AZIN2: variants seen among roughly 807,000 people sequenced by gnomAD.
AZIN2 encodes ODC antizyme inhibitor-2.
Under a neutral mutation model 47.8 loss-of-function variants are expected in AZIN2, and 28 were observed. The ratio of observed to expected loss-of-function variants is 0.59; its 90% CI spans 0.43 to 0.80. AZIN2 has a LOEUF of 0.80. Ranked by LOEUF, AZIN2 falls within the 30% of genes least tolerant of loss-of-function variation. The pLI is 0.00. For synonymous variants in AZIN2, 221 were observed against 239.4 expected (o/e 0.92, Z 0.71); for missense variants, 535 against 582.5 (o/e 0.92, Z 0.84).
chr1:33,164,140 G>A, the AZIN2 span: 1 of 152,300 alleles, frequency 6.6e-6, no homozygotes, highest in African/African-American at 2.4e-5. Flanking sequence ...CCAGCATCCT[G>A]TGACTGTTTA....
downstream of AZIN2, among the ~76,000 whole-genome samples, chr1:33,123,503 T>A (rs575463760): frequency 6.6e-6 from 1 of 152,260 alleles, no homozygotes; most frequent in Non-Finnish European, 1.5e-5. Flanking sequence ...TGAATCTGTT[T>A]ACTCATTTGT....
At chr1:33,152,208 A>G in the AZIN2 span, among the ~76,000 whole-genome samples, 1 of 152,170 alleles carries the variant, frequency 6.6e-6, no homozygotes, top group Non-Finnish European at 1.5e-5. Context: ...CAGAGTTGGA[A>G]CTTCAGCTGA....
chr1:33,161,244 G>A, the AZIN2 span, among the ~76,000 whole-genome samples: 2 of 152,208 alleles, frequency 1.3e-5, no homozygotes, highest in Non-Finnish European at 2.9e-5. The surrounding 1 kb of genome is among the most constrained non-coding windows in gnomAD (Gnocchi z 4.3). Context: ...GTTCTGAGCC[G>A]GGGCCTGAGG....
Position 33,081,155 on chromosome 1 carries a change from G to GTGGGGGTC in AZIN2, c.-542_-535dup, listed in dbSNP as rs917125561. ...GCCAGCGGCGGGCGGAAGGCGGGGC[G>GTGGGGGTC]TGGGGGTCTGTGGCTGCTGGGCTGG... is the stretch of plus-strand genomic sequence containing the variant. On this transcript the variant is annotated 5_prime_UTR_variant, in exon 1 of 12. Coordinates refer to ENST00000294517, the MANE Select transcript of AZIN2 (RefSeq NM_052998.4). The surrounding 1 kb of genome is among the most constrained non-coding windows in gnomAD (Gnocchi z 4.2). 2.6e-5 allele frequency: 4 copies of GTGGGGGTC among 151,044 alleles called. No homozygotes were observed. The highest frequency in any genetic ancestry group is 1.0e-4 in the African/African-American group (4 of 39,680). 9.4% of individuals were successfully genotyped at this position (151,044 alleles called of 1,614,324 possible).
At chr1:33,154,762 C>T in the AZIN2 span, among the ~76,000 whole-genome samples, 2 of 147,424 alleles carry the variant, frequency 1.4e-5, no homozygotes, top group African/African-American at 5.1e-5. Context: ...CACGCCACTG[C>T]ACTCCAGCCT....
downstream of AZIN2, among the ~76,000 whole-genome samples, chr1:33,126,718 C>T (rs538312668): frequency 1.6e-3 from 246 of 152,234 alleles, 1 homozygote; most frequent in African/African-American, 5.7e-3. Context: ...AGGACCCCCC[C>T]AATAGCGCTT....
chr1:33,088,201 A>G (rs1642145525), intron 5 of AZIN2, among the ~76,000 whole-genome samples: 1 of 152,172 alleles, frequency 6.6e-6, no homozygotes, highest in African/African-American at 2.4e-5. Context: ...TGATACGAGG[A>G]GATGCCTGGA....
chr1:33,160,954 C>T, the AZIN2 span, among the ~76,000 whole-genome samples: 1 of 152,182 alleles, frequency 6.6e-6, no homozygotes, highest in Non-Finnish European at 1.5e-5. Context: ...CTGTGAGGCT[C>T]AGGAAGGGTG....
chr1:33,094,516 C>T (rs771681030), intron 7 of AZIN2, 32 bp from the exon 8 acceptor site: 1 of 1,594,988 alleles, frequency 6.3e-7, no homozygotes, highest in Non-Finnish European at 8.6e-7. Flanking sequence ...TGGAGCCCTG[C>T]ATGTCAGCCG....
At chr1:33,118,157 C>A (rs745787111) in intron 11 of AZIN2, 41 bp downstream of exon 11, 2 of 1,493,880 alleles carry the variant, frequency 1.3e-6, no homozygotes, top group Non-Finnish European at 1.8e-6. Context: ...TGGGGAGGAA[C>A]TGGGCAGAAA....
At chr1:33,101,916 AG>A in intron 10 of AZIN2, 1 of 777,130 alleles carries the variant, frequency 1.3e-6, no homozygotes, top group Non-Finnish European at 2.4e-6. Context: ...AGTATGCTGC[AG>A]TTTATTTGTC....
chr1:33,106,785 A>G (rs1168866965), intron 10 of AZIN2, among the ~76,000 whole-genome samples: 1 of 152,184 alleles, frequency 6.6e-6, no homozygotes, highest in Non-Finnish European at 1.5e-5. Flanking sequence ...TAAGGGCCAT[A>G]TATGACAAGC....
the AZIN2 span, chr1:33,147,608 G>A: frequency 2.0e-5 from 33 of 1,614,020 alleles, no homozygotes; most frequent in African/African-American, 2.7e-5. The surrounding 1 kb of genome is among the most constrained non-coding windows in gnomAD (Gnocchi z 8.1). Context: ...ACATCGAAGC[G>A]CTTTGGCGAG....
rs1282604012 is a variant in AZIN2, at chr1:33,121,288, G to A, written c.*1106G>A. Among the ~76,000 whole-genome samples, 1 of 152,232 alleles carries A rather than the reference G, an allele frequency of 6.6e-6. No homozygotes were observed. Among genetic ancestry groups the A allele is most frequent in the Non-Finnish European group, 1.5e-5 (1 of 68,050 alleles). On this transcript the variant is annotated 3_prime_UTR_variant, in exon 12 of 12. Coordinates refer to ENST00000294517, the MANE Select transcript of AZIN2 (RefSeq NM_052998.4). ...CACCCTTTTAAATGCAGAAGCCTGG[G>A]TGCAGTGGCTCACACCTGTAATCCC...
the AZIN2 span, chr1:33,158,192 G>C: frequency 6.7e-7 from 1 of 1,490,310 alleles, no homozygotes; most frequent in African/African-American, 1.4e-5. Context: ...TTAGGACAGG[G>C]GGCTGGGCTG....
chr1:33,114,932 C>T (rs1213414855), intron 10 of AZIN2, among the ~76,000 whole-genome samples: 6 of 152,144 alleles, frequency 3.9e-5, no homozygotes, highest in Non-Finnish European at 7.3e-5. Context: ...CGTGAGCCAC[C>T]GCGCCCAGCC....
intron 5 of AZIN2, among the ~76,000 whole-genome samples, chr1:33,091,483 G>A (rs56308731): frequency 0.21 from 31,940 of 152,038 alleles, 4,140 homozygotes; most frequent in South Asian, 0.31. Context: ...CAAGTGATCT[G>A]CCCACCTCAG....
rs868430049 is a variant in AZIN2 at position 33,121,221 on chromosome 1, A to G, written c.*1039A>G. ...GGACTCTAAATATTTTTCTGCTGCAATTAAAAGATTTGAGATGTAATTCAT... is the reference window on the plus strand; with the variant it reads ...GGACTCTAAATATTTTTCTGCTGCAGTTAAAAGATTTGAGATGTAATTCAT... On this transcript the variant is annotated 3_prime_UTR_variant, in exon 12 of 12. Transcript: ENST00000294517. 1.6e-4 allele frequency among the ~76,000 whole-genome samples: 24 copies of G among 152,176 alleles called. No homozygotes were observed. The highest frequency in any genetic ancestry group is 5.8e-4 in the African/African-American group (24 of 41,436).
At chr1:33,091,142 T>C (rs1642503486) in intron 5 of AZIN2, among the ~76,000 whole-genome samples, 1 of 152,258 alleles carries the variant, frequency 6.6e-6, no homozygotes, top group Non-Finnish European at 1.5e-5. Flanking sequence ...TTGTGGATAA[T>C]GCTGCACTGA....
Sources: gnomAD v4.1 joint callset for allele counts (sites outside exome capture counted in the v4.1 genomes callset) on GRCh38, gnomAD v4.1.1 for gene constraint, Gnocchi (gnomAD v3.1) non-coding constraint, MANE v1.5 for transcripts, NCBI Gene and HGNC (gene_info 2026-07-23, HGNC 2026-07-21) for gene names.